RHAG: variants seen among roughly 807,000 people sequenced by gnomAD.
The protein encoded by RHAG is ammonium transporter Rh type A.
RHAG carries 25 observed loss-of-function variants against 42.4 expected under a neutral mutation model. The ratio of observed to expected loss-of-function variants is 0.59; its 90% confidence interval spans 0.43 to 0.82. The LOEUF is 0.82. Ranked by LOEUF, RHAG falls within the 40% of genes least tolerant of loss-of-function variation. The pLI is 0.00. For missense variants in RHAG, 483 were observed against 504.6 expected, an observed-to-expected ratio of 0.96 and a Z score of 0.41; for synonymous variants, 182 against 177.7, an observed-to-expected ratio of 1.02 and a Z score of -0.19.
In RHAG at chr6:49,619,234, T is replaced by C. The variant is rs774604075; in HGVS notation, c.286A>G (p.Ile96Val). The change falls in exon 2 of 10, where the codon ATT becomes GTT. Residue 96 changes from isoleucine to valine, a missense_variant. Ile to Val is a conservative substitution (Grantham distance 29). Transcript: ENST00000371175. Reference protein sequence around the residue: ...VAALGLQWGTIVQGILQSQGQ... With the variant: ...VAALGLQWGTVVQGILQSQGQ... ...TGGCTTTGCAGGATTCCCTGTACAA[T>C]AGTGCCCCACTGGAGGCCCAAAGCA... is the stretch of plus-strand genomic sequence containing the variant. 1 of 1,614,138 alleles carries C rather than the reference T, an allele frequency of 6.2e-7. No individual in the cohort carries two copies. Among genetic ancestry groups the C allele is most frequent in the South Asian group, 1.1e-5 (1 of 91,080 alleles).
chr6:49,622,216 G>T (rs1183648318), intron 1 of RHAG, among the ~76,000 whole-genome samples: 18 of 132,464 alleles, frequency 1.4e-4, no homozygotes, highest in Admixed American at 9.3e-4. Context: ...AGATCTGATG[G>T]TTTTTTTTTT....
At chr6:49,631,440 C>G (rs937262605) in intron 1 of RHAG, among the ~76,000 whole-genome samples, 1 of 152,104 alleles carries the variant, frequency 6.6e-6, no homozygotes, top group African/African-American at 2.4e-5. Flanking sequence ...CTCTTTTATG[C>G]AATATTTCTA....
intron 1 of RHAG, among the ~76,000 whole-genome samples, chr6:49,623,421 C>A (rs948135748): frequency 1.3e-5 from 2 of 152,108 alleles, no homozygotes; most frequent in African/African-American, 4.8e-5. Context: ...GAGAGGGCCA[C>A]AACTATAGTT....
intron 1 of RHAG, among the ~76,000 whole-genome samples, chr6:49,623,401 G>A (rs1762795557): frequency 6.6e-6 from 1 of 152,174 alleles, no homozygotes; most frequent in African/African-American, 2.4e-5. Flanking sequence ...GTTTGTGGGT[G>A]GGGACCAGGG....
At chr6:49,617,286 T>C (rs980189642) in intron 3 of RHAG, among the ~76,000 whole-genome samples, 1 of 152,220 alleles carries the variant, frequency 6.6e-6, no homozygotes, top group Non-Finnish European at 1.5e-5. Flanking sequence ...TCCTTGATTC[T>C]ACAATCTAAT....
rs60579925 is a variant in RHAG at position 49,621,316 on chromosome 6, T to G, written c.158-1954A>C. ...ATTCTCTCTGGAAAATGCTCTTCTT[T>G]TGCTCAAGATCATAGCTCTTCCTTC... On this transcript the variant is annotated intron_variant, in intron 1 of 9. Coordinates refer to ENST00000371175, the MANE Select transcript of RHAG (RefSeq NM_000324.3). Among the ~76,000 whole-genome samples, 12 of 152,304 alleles carry G rather than the reference T, an allele frequency of 7.9e-5. No individual in the cohort carries two copies. In the East Asian group the frequency reaches 2.3e-3, roughly 29 times the overall value.
At chr6:49,609,257 C>T (rs1012005007) in intron 7 of RHAG, among the ~76,000 whole-genome samples, 1 of 152,066 alleles carries the variant, frequency 6.6e-6, no homozygotes, top group Non-Finnish European at 1.5e-5. Context: ...GCCTCCTACC[C>T]CCACCAACGA....
rs1774151910 is a variant in RHAG at position 49,605,804 on chromosome 6, A to C, written c.*9T>G. 1 of 1,612,794 alleles carries C rather than the reference A, an allele frequency of 6.2e-7. No individual in the cohort carries two copies. The highest frequency in any genetic ancestry group is 1.1e-5 in the South Asian group (1 of 91,076). On this transcript the variant is annotated 3_prime_UTR_variant, in exon 10 of 10. Transcript: ENST00000371175. ...TGTGGTCACCATGTCCATGGAACTG[A>C]TTGTCAAGTTATCTCGTCTTAGGGA...
intron 7 of RHAG, among the ~76,000 whole-genome samples, chr6:49,609,978 C>T (rs1325861651): frequency 6.6e-6 from 1 of 151,972 alleles, no homozygotes; most frequent in Non-Finnish European, 1.5e-5. Context: ...AACAGAAAAC[C>T]AAACACCGCA....
At chr6:49,608,067 A>G (rs1393596474) in intron 7 of RHAG, among the ~76,000 whole-genome samples, 2 of 152,212 alleles carry the variant, frequency 1.3e-5, no homozygotes, top group Non-Finnish European at 2.9e-5. Context: ...TGCAGATAAC[A>G]AAAAGAAGCA....
Position 49,607,139 on chromosome 6 carries a change from T to C in RHAG, c.1138+11A>G. The C allele has an allele frequency of 6.2e-7, 1 of 1,609,312 alleles. No homozygotes were observed. Reference sequence around the variant, plus strand: ...ATAAGATACAGGGAAGTGTTCACTTTTTATGCTGACCTGTCATCAGACCTC... The same window carrying C: ...ATAAGATACAGGGAAGTGTTCACTTCTTATGCTGACCTGTCATCAGACCTC... On this transcript the variant is annotated intron_variant, in intron 8 of 9. Transcript: ENST00000371175.
chr6:49,610,931 C>A, intron 7 of RHAG, 93 bp downstream of exon 7: 1 of 1,504,128 alleles, frequency 6.6e-7, no homozygotes, highest in Non-Finnish European at 9.2e-7. Context: ...CAAACCATGG[C>A]CAGAACAGCT....
chr6:49,627,889 A>G (rs1043727686), intron 1 of RHAG, among the ~76,000 whole-genome samples: 10 of 152,130 alleles, frequency 6.6e-5, no homozygotes, highest in African/African-American at 1.7e-4. Context: ...CCCTCCCACG[A>G]CATGTGGAAA....
chr6:49,610,445 A>G lies in RHAG; in HGVS notation c.1067+579T>C, dbSNP rs1017507494. ...TTATACCCAACTTAGGGAAGAATCT[A>G]CATCTGATAGAGCTAGAAGGGATTT... On this transcript the variant is annotated intron_variant, in intron 7 of 9. Transcript: ENST00000371175. Among the ~76,000 whole-genome samples, 65 of 152,300 alleles carry G rather than the reference A, an allele frequency of 4.3e-4. 1 individual carries two copies. The highest frequency in any genetic ancestry group is 1.6e-4 in the Non-Finnish European group (11 of 68,034).
intron 1 of RHAG, among the ~76,000 whole-genome samples, chr6:49,633,574 A>G (rs1456594004): frequency 6.6e-6 from 1 of 152,114 alleles, no homozygotes; most frequent in African/African-American, 2.4e-5. Context: ...GAGTCTTGAG[A>G]CCCACCTTTC....
chr6:49,605,880 T>G, intron 9 of RHAG, 50 bp from the exon 10 acceptor site: 1 of 1,460,312 alleles, frequency 6.8e-7, no homozygotes, highest in South Asian at 1.1e-5. Context: ...TCACTGTTCT[T>G]GTCAGAAATT....
intron 3 of RHAG, 103 bp from the exon 4 acceptor site, chr6:49,615,874 A>AATTT: frequency 8.6e-7 from 1 of 1,160,776 alleles, no homozygotes; most frequent in Non-Finnish European, 1.3e-6. Flanking sequence ...ACAACTTAAA[A>AATTT]AAATTAAAGA....
At position 49,614,792 on chromosome 6, in the gene RHAG, G is replaced by C. The variant is rs749569076; in HGVS notation, c.702C>G (p.Asp234Glu). Reference sequence around the variant, plus strand: ...TGTTTACAATGGCCCTGCACTGTTTGTCTCCAGGTTCAGCAATGGCCGAGT... The same window carrying C: ...TGTTTACAATGGCCCTGCACTGTTTCTCTCCAGGTTCAGCAATGGCCGAGT... ...SFNSAIAEPGDKQCRAIVNTY... is the reference protein window; with the variant it reads ...SFNSAIAEPGEKQCRAIVNTY... The change falls in exon 5 of 10, where the codon GAC becomes GAG. Residue 234 changes from aspartate to glutamate, a missense_variant. Coordinates refer to ENST00000371175, the MANE Select transcript of RHAG (RefSeq NM_000324.3). The C allele has an allele frequency of 1.2e-6, 2 of 1,614,128 alleles. No individual in the cohort carries two copies. Among genetic ancestry groups the C allele is most frequent in the South Asian group, 2.2e-5 (2 of 91,072 alleles).
In RHAG at chr6:49,614,700, C is replaced by G; in HGVS notation, c.794G>C (p.Gly265Ala). 6.2e-7 allele frequency: 1 copy of G among 1,613,782 alleles called. No individual in the cohort carries two copies. Among genetic ancestry groups the G allele is most frequent in the Non-Finnish European group, 8.5e-7 (1 of 1,180,012 alleles). ...FAFSSLVEHR[G>A]KLNMVHIQNA... is the part of the protein sequence containing the mutation. ...GGCGGCACTTACCATGTTGAGCTTG[C>G]CTCGGTGCTCCACTAGGCTGGAGAA... is the stretch of plus-strand genomic sequence containing the variant. Residue 265 changes from glycine (G) to alanine (A), a missense_variant, in exon 5 of 10, where the codon GGC becomes GCC. Physicochemically the swap from Gly to Ala is moderately conservative, Grantham distance 60 (BLOSUM62 0). Transcript: ENST00000371175.
Sources: gnomAD v4.1 joint callset for allele counts (sites outside exome capture counted in the v4.1 genomes callset) on GRCh38, gnomAD v4.1.1 for gene constraint, MANE v1.5 for transcripts, NCBI Gene and HGNC (gene_info 2026-07-23, HGNC 2026-07-21) for gene names.